Variants in SFMBT1 observed in about 807,000 individuals in gnomAD.
The protein encoded by SFMBT1 is scm-like with four MBT domains protein 1.
SFMBT1 carries 32 observed loss-of-function variants against 108.7 expected under a neutral mutation model. The observed-to-expected ratio is 0.29, with a 90% confidence interval of 0.22 to 0.40. SFMBT1 has a LOEUF of 0.40. Among genes scored for constraint, SFMBT1 ranks in the 10% least tolerant of loss-of-function variants. The pLI, the probability that SFMBT1 is intolerant of heterozygous loss-of-function variation, is 1.00. For missense variants in SFMBT1, 816 were observed against 1,059.6 expected, an observed-to-expected ratio of 0.77 and a Z score of 3.19; for synonymous variants, 348 against 369.5, an observed-to-expected ratio of 0.94 and a Z score of 0.67.
intron 1 of SFMBT1, among the ~76,000 whole-genome samples, chr3:52,994,709 G>A (rs917413229): frequency 1.3e-5 from 2 of 149,768 alleles, no homozygotes; most frequent in Admixed American, 1.4e-4. Context: ...TGTGTTGGCC[G>A]GGCTGGTCTC....
At chr3:53,021,486 C>T (rs1699304718) in intron 1 of SFMBT1, among the ~76,000 whole-genome samples, 1 of 152,100 alleles carries the variant, frequency 6.6e-6, no homozygotes. Context: ...AAGTAAATGC[C>T]TCTATGAAGT....
intron 1 of SFMBT1, among the ~76,000 whole-genome samples, chr3:53,001,036 T>C (rs1698530690): frequency 6.7e-6 from 1 of 150,150 alleles, no homozygotes; most frequent in Admixed American, 6.7e-5. Flanking sequence ...CATCTCACTG[T>C]TTAGTCTACT....
At chr3:52,922,087 T>A (rs935087740) in intron 10 of SFMBT1, among the ~76,000 whole-genome samples, 2 of 152,222 alleles carry the variant, frequency 1.3e-5, no homozygotes, top group African/African-American at 4.8e-5. Context: ...GCTCAAGCTG[T>A]ATAACCTCTT....
intron 5 of SFMBT1, among the ~76,000 whole-genome samples, chr3:52,932,537 C>T (rs1257730188): frequency 6.6e-6 from 1 of 152,166 alleles, no homozygotes; most frequent in Non-Finnish European, 1.5e-5. Context: ...ATTACTCTAA[C>T]ACATCTCTAT....
chr3:52,917,787 G>A (rs1362651710), intron 13 of SFMBT1, among the ~76,000 whole-genome samples: 1 of 152,102 alleles, frequency 6.6e-6, no homozygotes, highest in African/African-American at 2.4e-5. Flanking sequence ...ATCTGAGGTG[G>A]AACAGTTTCA....
intron 1 of SFMBT1, among the ~76,000 whole-genome samples, chr3:53,001,641 G>A (rs1698551208): frequency 6.7e-6 from 1 of 148,716 alleles, no homozygotes; most frequent in Admixed American, 6.9e-5. Context: ...CAGTGGCCGC[G>A]CCTGTAAATT....
At chr3:52,931,435 CTAGA>C (rs1466666546) in intron 6 of SFMBT1, among the ~76,000 whole-genome samples, 2 of 152,062 alleles carry the variant, frequency 1.3e-5, no homozygotes, top group Non-Finnish European at 2.9e-5. Context: ...TAAATGCTCC[CTAGA>C]TAATTTTTTA....
intron 1 of SFMBT1, among the ~76,000 whole-genome samples, chr3:52,997,441 C>A (rs1389277409): frequency 6.7e-6 from 1 of 148,764 alleles, no homozygotes; most frequent in East Asian, 2.0e-4. Flanking sequence ...GAGGCTGAGG[C>A]AGGAGAATGG....
At chr3:52,986,596 T>A (rs1208542417) in intron 1 of SFMBT1, among the ~76,000 whole-genome samples, 5 of 151,114 alleles carry the variant, frequency 3.3e-5, no homozygotes, top group Non-Finnish European at 7.4e-5. Context: ...CAAAATCCCA[T>A]CTCTACTAAA....
chr3:53,032,093 G>A (rs534950753), intron 1 of SFMBT1, among the ~76,000 whole-genome samples: 3 of 152,324 alleles, frequency 2.0e-5, no homozygotes, highest in South Asian at 4.1e-4. Flanking sequence ...CAGCCAGCTG[G>A]ATACAATGGC....
intron 1 of SFMBT1, among the ~76,000 whole-genome samples, chr3:53,001,405 A>C (rs1217117388): frequency 6.7e-6 from 1 of 149,672 alleles, no homozygotes; most frequent in Non-Finnish European, 1.5e-5. Context: ...TTTAGCTTGC[A>C]TGACAGAGTG....
At position 52,934,748 on chromosome 3, in the gene SFMBT1, A is replaced by AT. The variant is rs532747088; in HGVS notation, c.453+64dup. Reference sequence around the variant, plus strand: ...CTTCAGAGTGGTAAATAAGCAACCGATTTTAAGATTCTTTGAAAGATCAGA... The same window carrying AT: ...CTTCAGAGTGGTAAATAAGCAACCGATTTTTAAGATTCTTTGAAAGATCAGA... On this transcript the variant is annotated intron_variant, in intron 5 of 20. Coordinates refer to ENST00000394752, the MANE Select transcript of SFMBT1 (RefSeq NM_016329.4). 202 of 1,372,810 alleles carry AT rather than the reference A, an allele frequency of 1.5e-4. 2 individuals are homozygous for AT. Among genetic ancestry groups the AT allele is most frequent in the Middle Eastern group, 7.3e-4 (4 of 5,516 alleles). 85.0% of individuals were successfully genotyped at this position (1,372,810 alleles called of 1,614,324 possible).
intron 2 of SFMBT1, among the ~76,000 whole-genome samples, chr3:52,956,747 C>A (rs573583056): frequency 6.6e-6 from 1 of 152,096 alleles, no homozygotes; most frequent in South Asian, 2.1e-4. Context: ...GGCGACAGAG[C>A]GAGATTCCAT....
At chr3:52,906,852 ACT>A (rs956307061) in intron 19 of SFMBT1, among the ~76,000 whole-genome samples, 14 of 152,266 alleles carry the variant, frequency 9.2e-5, no homozygotes, top group East Asian at 3.9e-4. Context: ...ACAAGCAGCT[ACT>A]CTGAGAGAGA....
At chr3:53,001,925 T>TCTCACACACACACACACACACACACACA (rs1448849638) in intron 1 of SFMBT1, among the ~76,000 whole-genome samples, 3 of 129,132 alleles carry the variant, frequency 2.3e-5, no homozygotes, top group Admixed American at 8.3e-5. Flanking sequence ...ACCCAGTCTC[T>TCTCACACACACACACACACACACACACA]CACACACACA....
chr3:52,945,546 A>G (rs577758605), intron 3 of SFMBT1, among the ~76,000 whole-genome samples: 2 of 152,106 alleles, frequency 1.3e-5, no homozygotes, highest in Admixed American at 1.3e-4. Flanking sequence ...GGTGGCTCAC[A>G]TCTGTAATCC....
chr3:53,034,071 C>CAAAAA (rs61046895), intron 1 of SFMBT1, among the ~76,000 whole-genome samples: 2 of 28,694 alleles, frequency 7.0e-5, no homozygotes, highest in African/African-American at 3.0e-4. Flanking sequence ...ACTCTGTCTC[C>CAAAAA]AAAAAAAAAA....
At chr3:52,942,364 ATAAAG>A (rs1482007778) in intron 4 of SFMBT1, among the ~76,000 whole-genome samples, 2 of 152,246 alleles carry the variant, frequency 1.3e-5, no homozygotes, top group Admixed American at 1.3e-4. Context: ...TGGAGACAAG[ATAAAG>A]TAAACATCAT....
chr3:53,039,012 C>G (rs188472333), intron 1 of SFMBT1, among the ~76,000 whole-genome samples: 1 of 152,322 alleles, frequency 6.6e-6, no homozygotes, highest in East Asian at 1.9e-4. Flanking sequence ...CCCAAAAGGC[C>G]TTACTCCTTA....
Sources: allele counts gnomAD v4.1 joint callset (sites outside exome capture counted in the v4.1 genomes callset), GRCh38; gene constraint gnomAD v4.1.1; transcripts MANE v1.5; gene names NCBI Gene and HGNC (gene_info 2026-07-23, HGNC 2026-07-21).